Variants in PRKG1 observed in about 807,000 individuals in gnomAD.
PRKG1 encodes the protein cGMP-dependent protein kinase 1.
In PRKG1, 35 loss-of-function variants were observed where a neutral mutation model predicts 88.1. The observed-to-expected ratio is 0.40, with a 90% CI of 0.30 to 0.53. PRKG1 has a LOEUF of 0.53. PRKG1 is among the 20% of genes least tolerant of loss of function. The pLI, the probability that PRKG1 is intolerant of heterozygous loss-of-function variation, is 0.59. For missense variants in PRKG1, 540 were observed against 839.8 expected (o/e 0.64, Z 4.41); for synonymous variants, 303 against 292.5 (o/e 1.04, Z -0.37).
At chr10:51,287,341 A>AAT (rs1420793900) in intron 2 of PRKG1, among the ~76,000 whole-genome samples, 1 of 152,182 alleles carries the variant, frequency 6.6e-6, no homozygotes, top group Non-Finnish European at 1.5e-5. Context: ...GGCTTCAGAG[A>AAT]ATATGGGAAT....
intron 5 of PRKG1, among the ~76,000 whole-genome samples, chr10:51,970,692 T>TA (rs1028670662): frequency 6.9e-6 from 1 of 144,286 alleles, no homozygotes; most frequent in African/African-American, 2.7e-5. Context: ...ATCTGATATA[T>TA]ATATCAGATA....
chr10:51,722,239 AAAC>A (rs1842031723), intron 3 of PRKG1, among the ~76,000 whole-genome samples: 1 of 151,958 alleles, frequency 6.6e-6, no homozygotes, highest in Admixed American at 6.6e-5. Flanking sequence ...AAAAAAAAAA[AAAC>A]AACAACATAG....
At chr10:51,580,105 TGTGA>T (rs1170583927) in intron 3 of PRKG1, among the ~76,000 whole-genome samples, 1 of 152,156 alleles carries the variant, frequency 6.6e-6, no homozygotes, top group African/African-American at 2.4e-5. Flanking sequence ...ATATAGTGTT[TGTGA>T]GTGTTCATGA....
At chr10:51,211,265 A>G (rs1043603544) in intron 2 of PRKG1, among the ~76,000 whole-genome samples, 3 of 152,074 alleles carry the variant, frequency 2.0e-5, no homozygotes, top group African/African-American at 7.2e-5. Flanking sequence ...AAATTCAACA[A>G]CGCTTCATGC....
rs188246627 is a variant in PRKG1, at chr10:51,022,032, C to A, written c.266+30388C>A. ...ATCTTATTCGACAAACTCAAATGTG[C>A]AAGCAACACATCTCTTTATTTTTAT... On this transcript the variant is annotated intron_variant, in intron 1 of 17. Transcript: ENST00000401604. Among the ~76,000 whole-genome samples, 164 of 152,298 alleles carry A rather than the reference C, an allele frequency of 1.1e-3. 2 individuals are homozygous for A. Among genetic ancestry groups the A allele is most frequent in the African/African-American group, 3.8e-3 (159 of 41,562 alleles).
At chr10:51,888,210 A>G (rs1319497583) in intron 4 of PRKG1, among the ~76,000 whole-genome samples, 1 of 152,192 alleles carries the variant, frequency 6.6e-6, no homozygotes, top group Non-Finnish European at 1.5e-5. Context: ...TATCTCAATA[A>G]AGCTAAAAAA....
chr10:51,752,504 C>T (rs955151858), intron 3 of PRKG1, among the ~76,000 whole-genome samples: 4 of 152,140 alleles, frequency 2.6e-5, no homozygotes, highest in Non-Finnish European at 1.5e-5. Context: ...TTCTTCAAAT[C>T]TGTTATTTAA....
chr10:51,864,345 A>C (rs1252555361), intron 4 of PRKG1, among the ~76,000 whole-genome samples: 1 of 152,226 alleles, frequency 6.6e-6, no homozygotes, highest in African/African-American at 2.4e-5. Context: ...CTCTAGAAGC[A>C]GATTTGTACA....
intron 1 of PRKG1, among the ~76,000 whole-genome samples, chr10:51,015,851 C>A (rs1204911149): frequency 1.3e-5 from 2 of 152,038 alleles, no homozygotes; most frequent in Non-Finnish European, 2.9e-5. Context: ...GGCGCCATTG[C>A]AGTTCAGCCT....
intron 1 of PRKG1, among the ~76,000 whole-genome samples, chr10:51,068,015 G>A (rs1429102627): frequency 6.6e-6 from 1 of 152,078 alleles, no homozygotes; most frequent in Non-Finnish European, 1.5e-5. Flanking sequence ...CAATGATAAT[G>A]TTGTAGTTAG....
chr10:51,819,475 A>G (rs1319626815), intron 4 of PRKG1, among the ~76,000 whole-genome samples: 2 of 152,134 alleles, frequency 1.3e-5, no homozygotes, highest in African/African-American at 2.4e-5. Flanking sequence ...CATTATGTCC[A>G]TGTTTCTGCA....
At chr10:51,083,638 C>A (rs1361447887) in intron 1 of PRKG1, among the ~76,000 whole-genome samples, 1 of 152,170 alleles carries the variant, frequency 6.6e-6, no homozygotes, top group East Asian at 1.9e-4. Flanking sequence ...TTTCAGCCCC[C>A]TTTCCAGGAG....
intron 1 of PRKG1, among the ~76,000 whole-genome samples, chr10:51,022,210 A>G (rs1369015489): frequency 1.3e-5 from 2 of 152,012 alleles, no homozygotes; most frequent in Non-Finnish European, 2.9e-5. Context: ...CAGTAATCAG[A>G]CTGTGTTGAT....
intron 3 of PRKG1, among the ~76,000 whole-genome samples, chr10:51,553,957 T>G (rs1157144980): frequency 7.5e-6 from 1 of 133,320 alleles, no homozygotes; most frequent in Non-Finnish European, 1.6e-5. Flanking sequence ...ATATAATATA[T>G]GTATGTATTA....
chr10:51,857,909 C>T (rs1037633174), intron 4 of PRKG1, among the ~76,000 whole-genome samples: 13 of 150,548 alleles, frequency 8.6e-5, no homozygotes, highest in African/African-American at 1.5e-4. Context: ...AGAAAAGTAA[C>T]TTTATTTTTA....
chr10:51,992,322 C>G (rs1467257537), intron 5 of PRKG1, among the ~76,000 whole-genome samples: 2 of 152,082 alleles, frequency 1.3e-5, no homozygotes, highest in Non-Finnish European at 2.9e-5. Context: ...TTCTTCACCT[C>G]CAATCTACTG....
intron 9 of PRKG1, among the ~76,000 whole-genome samples, chr10:52,233,018 TGG>T (rs1840563428): frequency 6.6e-6 from 1 of 152,182 alleles, no homozygotes; most frequent in Non-Finnish European, 1.5e-5. Flanking sequence ...TTGTTAAGAC[TGG>T]GAAAGAGAGG....
At chr10:51,944,263 T>C (rs1264961279) in intron 5 of PRKG1, among the ~76,000 whole-genome samples, 6 of 152,138 alleles carry the variant, frequency 3.9e-5, no homozygotes, top group Non-Finnish European at 8.8e-5. Context: ...TAGTATTCTC[T>C]GATGGCAGTT....
chr10:52,025,799 C>T (rs1001515680), intron 5 of PRKG1, among the ~76,000 whole-genome samples: 1 of 151,580 alleles, frequency 6.6e-6, no homozygotes, highest in African/African-American at 2.4e-5. Context: ...AATGCGGGCT[C>T]TTTTTTGATT....
Sources: gnomAD v4.1 joint callset for allele counts (sites outside exome capture counted in the v4.1 genomes callset) on GRCh38, gnomAD v4.1.1 for gene constraint, MANE v1.5 for transcripts, NCBI Gene and HGNC (gene_info 2026-07-23, HGNC 2026-07-21) for gene names.